Variants in CTTNBP2 observed in about 807,000 individuals in gnomAD.
The protein encoded by CTTNBP2 is cortactin binding protein 2.
In CTTNBP2, 108 loss-of-function variants were observed where a neutral mutation model predicts 156.9. That is an observed-to-expected ratio of 0.69 (90% CI 0.59 to 0.81). The LOEUF (loss-of-function observed/expected upper bound fraction) is 0.81. Among genes scored for constraint, CTTNBP2 ranks in the 30% least tolerant of loss-of-function variants. CTTNBP2 has a pLI of 0.00. For synonymous variants in CTTNBP2, 767 were observed against 751.8 expected (o/e 1.02, Z -0.33); for missense variants, 1,924 against 2,035.4 (o/e 0.95, Z 1.05).
intron 1 of CTTNBP2, among the ~76,000 whole-genome samples, chr7:117,862,972 T>C (rs763373470): frequency 3.3e-5 from 5 of 152,170 alleles, no homozygotes; most frequent in Non-Finnish European, 5.9e-5. Flanking sequence ...CTCTTTGAGA[T>C]GAGATAAAAA....
chr7:117,853,199 C>T (rs1803041229), intron 2 of CTTNBP2, among the ~76,000 whole-genome samples: 1 of 152,102 alleles, frequency 6.6e-6, no homozygotes, highest in South Asian at 2.1e-4. Flanking sequence ...TTGCTTAATG[C>T]CTAACCCACC....
chr7:117,823,512 A>C (rs1355994898), intron 2 of CTTNBP2, among the ~76,000 whole-genome samples: 1 of 152,144 alleles, frequency 6.6e-6, no homozygotes, highest in Non-Finnish European at 1.5e-5. Flanking sequence ...CTTTGTATTT[A>C]TTTTATCTTG....
At position 117,862,257 on chromosome 7, in the gene CTTNBP2, C is replaced by T. The variant is rs1353493318; in HGVS notation, c.82-941G>A. On this transcript the variant is annotated intron_variant, in intron 1 of 22. Coordinates refer to ENST00000160373, the MANE Select transcript of CTTNBP2 (RefSeq NM_033427.3). ...GGGAGCTGAGGCTGGAGTAAGTGAGCCTTCCAGGGACCCAGCTACAGTACA... is the reference window on the plus strand; with the variant it reads ...GGGAGCTGAGGCTGGAGTAAGTGAGTCTTCCAGGGACCCAGCTACAGTACA... Among the ~76,000 whole-genome samples, 10 of 151,118 alleles carry T rather than the reference C, an allele frequency of 6.6e-5. No individual in the cohort carries two copies. The South Asian group carries it at 1.9e-3, about 29-fold the overall frequency.
chr7:117,790,340 T>C (rs1291799189), intron 4 of CTTNBP2, among the ~76,000 whole-genome samples: 1 of 152,230 alleles, frequency 6.6e-6, no homozygotes, highest in Admixed American at 6.5e-5. Context: ...AATCCAGTCA[T>C]GTCAGTAAAA....
chr7:117,712,723 AT>A (rs1181892255), intron 22 of CTTNBP2, among the ~76,000 whole-genome samples: 1 of 152,170 alleles, frequency 6.6e-6, no homozygotes, highest in African/African-American at 2.4e-5. Flanking sequence ...ATCGTCTTAT[AT>A]GACATTGGAA....
intron 2 of CTTNBP2, among the ~76,000 whole-genome samples, chr7:117,850,076 G>C (rs1248794916): frequency 2.0e-5 from 3 of 152,232 alleles, no homozygotes; most frequent in Admixed American, 2.0e-4. Flanking sequence ...TTAGGGCTCA[G>C]CAAACAAAGG....
chr7:117,758,992 A>G (rs1441735914), intron 10 of CTTNBP2, among the ~76,000 whole-genome samples: 1 of 152,186 alleles, frequency 6.6e-6, no homozygotes, highest in Non-Finnish European at 1.5e-5. Context: ...AGTTGTACTG[A>G]CTTTGTTTAT....
At chr7:117,733,937 A>G (rs961566597) in intron 16 of CTTNBP2, among the ~76,000 whole-genome samples, 5 of 152,240 alleles carry the variant, frequency 3.3e-5, no homozygotes, top group African/African-American at 9.6e-5. Context: ...AACATTAAAG[A>G]GAAGTCTTAT....
At chr7:117,769,087 G>A (rs1307361646) in intron 8 of CTTNBP2, among the ~76,000 whole-genome samples, 1 of 152,194 alleles carries the variant, frequency 6.6e-6, no homozygotes, top group East Asian at 1.9e-4. Context: ...GCATGAACAT[G>A]TTCTACGTTA....
At position 117,792,533 on chromosome 7, in the gene CTTNBP2, T is replaced by C; in HGVS notation, c.663A>G (p.Thr221=). ...GTTTTTCCATCTGAGCTTCCATTTC[T>C]GTGCTTCTTCGTTTCTCAGCGGAGA... The part of the protein sequence containing the change: ...EELSAEKRRS[T]EMEAQMEKQL... The change falls in exon 4 of 23, where the codon ACA becomes ACG. Residue 221 remains threonine, a synonymous_variant. Coordinates refer to ENST00000160373, the MANE Select transcript of CTTNBP2 (RefSeq NM_033427.3). This position sits in a 1 kb window ranked among gnomAD's most constrained non-coding sequence, Gnocchi z 4.2. The C allele has an allele frequency of 6.2e-7, 1 of 1,614,222 alleles. No homozygotes were observed. The highest frequency in any genetic ancestry group is 8.5e-7 in the Non-Finnish European group (1 of 1,180,030).
intron 16 of CTTNBP2, among the ~76,000 whole-genome samples, chr7:117,732,040 G>A (rs1795431530): frequency 6.6e-6 from 1 of 152,016 alleles, no homozygotes; most frequent in South Asian, 2.1e-4. Context: ...CATATTCTGG[G>A]TAAGTGACGA....
intron 14 of CTTNBP2, among the ~76,000 whole-genome samples, chr7:117,739,187 T>C (rs1237395234): frequency 2.6e-5 from 4 of 152,164 alleles, no homozygotes; most frequent in South Asian, 2.1e-4. Flanking sequence ...AGTTGAGAAA[T>C]AGTACGTGTC....
intron 1 of CTTNBP2, chr7:117,872,106 G>T: frequency 2.8e-6 from 1 of 359,656 alleles, no homozygotes; most frequent in Non-Finnish European, 3.9e-6. Flanking sequence ...AAACTTGCCA[G>T]TTTTACAAGT....
intron 8 of CTTNBP2, among the ~76,000 whole-genome samples, chr7:117,773,343 C>T (rs189867651): frequency 2.6e-4 from 39 of 152,268 alleles, no homozygotes; most frequent in African/African-American, 4.3e-4. Flanking sequence ...TGAGTAGAAA[C>T]GTCTGACTCT....
chr7:117,812,317 A>T (rs888701212), intron 2 of CTTNBP2, among the ~76,000 whole-genome samples: 1 of 152,304 alleles, frequency 6.6e-6, no homozygotes, highest in Admixed American at 6.5e-5. Context: ...CAGTAAAAAA[A>T]TTAAGTTATA....
chr7:117,775,778 T>C (rs1798063600), intron 8 of CTTNBP2, among the ~76,000 whole-genome samples: 2 of 152,144 alleles, frequency 1.3e-5, no homozygotes, highest in African/African-American at 4.8e-5. Context: ...CTATTTACAT[T>C]TTCCATCTTT....
intron 20 of CTTNBP2, 108 bp from the exon 21 acceptor site, chr7:117,719,744 T>C: frequency 1.3e-6 from 1 of 784,370 alleles, no homozygotes; most frequent in Middle Eastern, 4.0e-4. Context: ...GGAAAATGTT[T>C]TTAATAGCCT....
chr7:117,833,965 TA>T (rs1163398068), intron 2 of CTTNBP2, among the ~76,000 whole-genome samples: 1 of 152,200 alleles, frequency 6.6e-6, no homozygotes, highest in African/African-American at 2.4e-5. Context: ...CACAGTCCTT[TA>T]AAAAATATAT....
intron 16 of CTTNBP2, among the ~76,000 whole-genome samples, chr7:117,733,630 T>C (rs1321634067): frequency 6.6e-6 from 1 of 152,212 alleles, no homozygotes; most frequent in African/African-American, 2.4e-5. Context: ...GCCAAAAGCA[T>C]AATATTTATG....
Sources: allele counts gnomAD v4.1 joint callset (sites outside exome capture counted in the v4.1 genomes callset), GRCh38; gene constraint gnomAD v4.1.1; non-coding constraint Gnocchi (gnomAD v3.1); transcripts MANE v1.5; gene names NCBI Gene and HGNC (gene_info 2026-07-23, HGNC 2026-07-21).